Variants in NFKB1 observed in about 807,000 individuals in gnomAD.
The protein encoded by NFKB1 is nuclear factor kappa B subunit 1, also known as nuclear factor NF-kappa-B p105 subunit.
Under a neutral mutation model 105.1 loss-of-function variants are expected in NFKB1, and 9 were observed. The observed-to-expected ratio is 0.09, with a 90% CI of 0.05 to 0.15. NFKB1 has a LOEUF of 0.15. Ranked by LOEUF, NFKB1 falls within the 10% of genes least tolerant of loss-of-function variation. The pLI, the probability that NFKB1 is intolerant of heterozygous loss-of-function variation, is 1.00. For missense variants in NFKB1, 830 were observed against 1,203.7 expected (o/e 0.69, Z 4.59); for synonymous variants, 440 against 442.2 (o/e 1.00, Z 0.06).
chr4:102,562,457 G>C (rs1723520881), intron 5 of NFKB1, among the ~76,000 whole-genome samples: 1 of 152,122 alleles, frequency 6.6e-6, no homozygotes, highest in South Asian at 2.1e-4. Flanking sequence ...CTAGTTTACT[G>C]CAGTGTGTGG....
chr4:102,607,079 T>C, intron 17 of NFKB1, 71 bp from the exon 18 acceptor site: 1 of 1,517,054 alleles, frequency 6.6e-7, no homozygotes, highest in African/African-American at 1.4e-5. Flanking sequence ...TGCCATTTCC[T>C]TCAGCTTCAC....
At position 102,502,001 on chromosome 4, in the gene NFKB1, T is replaced by C. The variant is rs1007693754; in HGVS notation, c.-8+213T>C. 15 of 152,020 alleles carry C rather than the reference T, an allele frequency of 9.9e-5. No homozygotes were observed. In the East Asian group the frequency reaches 2.9e-3, roughly 30 times the overall value. 9.4% of individuals were successfully genotyped at this position (152,020 alleles called of 1,614,324 possible). ...CACATCCGGACCTCGCAGGGGCTAGTCGGCCGAAGGGCCGCGGCCGCCCGG... is the reference window on the plus strand; with the variant it reads ...CACATCCGGACCTCGCAGGGGCTAGCCGGCCGAAGGGCCGCGGCCGCCCGG... On this transcript the variant is annotated intron_variant, in intron 1 of 23. Transcript: ENST00000226574.
Position 102,607,295 on chromosome 4 carries a change from A to T in NFKB1, c.2100A>T (p.Ser700=). Residue 700 remains serine (S), a synonymous_variant, in exon 18 of 24, where the codon TCA becomes TCT. Transcript: ENST00000226574. ...LHLAVEHDNI[S]LAGCLLLEGD... ...TGGCTGTGGAGCACGACAACATCTC[A>T]TTGGCAGGCTGCCTGCTCCTGGAGG... The T allele has an allele frequency of 1.9e-6, 3 of 1,611,244 alleles. No homozygotes were observed. The highest frequency in any genetic ancestry group is 2.5e-6 in the Non-Finnish European group (3 of 1,177,466).
At position 102,616,619 on chromosome 4, in the gene NFKB1, G is replaced by A. The variant is rs754747868; in HGVS notation, c.*25G>A. The A allele has an allele frequency of 2.3e-5, 37 of 1,608,958 alleles. No individual in the cohort carries two copies. The highest frequency in any genetic ancestry group is 5.5e-5 in the South Asian group (5 of 90,692). Reference sequence around the variant, plus strand: ...GCCTGCTGACAATTTCCCACACCGTGTAAACCAAAGCCCTAAAATTCCACT... The same window carrying A: ...GCCTGCTGACAATTTCCCACACCGTATAAACCAAAGCCCTAAAATTCCACT... On this transcript the variant is annotated 3_prime_UTR_variant, in exon 24 of 24. Transcript: ENST00000226574.
intron 1 of NFKB1, among the ~76,000 whole-genome samples, chr4:102,518,055 C>A (rs952908349): frequency 2.0e-5 from 3 of 152,000 alleles, no homozygotes; most frequent in Non-Finnish European, 2.9e-5. Context: ...AAAGGTCTCT[C>A]CTAGGATGTT....
intron 16 of NFKB1, among the ~76,000 whole-genome samples, chr4:102,603,585 T>TA (rs1394930646): frequency 2.0e-5 from 3 of 152,200 alleles, no homozygotes; most frequent in Admixed American, 1.3e-4. Context: ...CTGGCTTCCC[T>TA]AGTATGCCTT....
At chr4:102,555,340 T>C (rs1245583595) in intron 5 of NFKB1, among the ~76,000 whole-genome samples, 1 of 152,152 alleles carries the variant, frequency 6.6e-6, no homozygotes, top group Non-Finnish European at 1.5e-5. Context: ...TTAACAAATA[T>C]TGATTAAGTA....
chr4:102,587,710 C>T (rs1026037235), intron 11 of NFKB1, among the ~76,000 whole-genome samples: 2 of 152,042 alleles, frequency 1.3e-5, no homozygotes, highest in East Asian at 3.8e-4. Flanking sequence ...TGGAGAAATA[C>T]TTACCCATTG....
chr4:102,507,659 T>C lies in NFKB1; in HGVS notation c.-8+5871T>C, dbSNP rs575724833. Among the ~76,000 whole-genome samples the C allele has an allele frequency of 9.8e-5, 15 of 152,326 alleles. No homozygotes were observed. In the South Asian group the frequency reaches 3.1e-3, roughly 32 times the overall value. ...AATATTTCTAGGATTTACTTTTCAC[T>C]AACTTGAACTAAAGAAAGTATAAGA... On this transcript the variant is annotated intron_variant, in intron 1 of 23. Transcript: ENST00000226574.
At chr4:102,612,646 CTT>C in intron 22 of NFKB1, 40 bp downstream of exon 22, 1 of 1,571,830 alleles carries the variant, frequency 6.4e-7, no homozygotes, top group African/African-American at 1.3e-5. Flanking sequence ...TTTCATTTGA[CTT>C]TACTCTGTTA....
intron 15 of NFKB1, among the ~76,000 whole-genome samples, 188 bp from the exon 16 acceptor site, chr4:102,600,707 G>T (rs537363965): frequency 2.5e-4 from 38 of 152,318 alleles, no homozygotes; most frequent in African/African-American, 8.9e-4. Flanking sequence ...AGGCAGTTGG[G>T]AGGGACCAGT....
intron 19 of NFKB1, among the ~76,000 whole-genome samples, chr4:102,609,252 G>A (rs1320481561): frequency 6.6e-6 from 1 of 151,386 alleles, no homozygotes; most frequent in African/African-American, 2.4e-5. Flanking sequence ...GCAAGTAACA[G>A]TTTCTCTGAT....
chr4:102,613,618 C>A (rs752796073), intron 23 of NFKB1, 37 bp downstream of exon 23: 186 of 1,594,050 alleles, frequency 1.2e-4, no homozygotes, highest in Non-Finnish European at 1.4e-4. Context: ...AGATATTTTC[C>A]AGCTCCCCCA....
chr4:102,575,037 A>G (rs1264302462), intron 6 of NFKB1, among the ~76,000 whole-genome samples: 2 of 152,248 alleles, frequency 1.3e-5, no homozygotes, highest in Non-Finnish European at 2.9e-5. Flanking sequence ...TGAAAGGGCC[A>G]AAAGATATAG....
At chr4:102,606,847 C>A in intron 17 of NFKB1, 150 bp downstream of exon 17, 1 of 862,042 alleles carries the variant, frequency 1.2e-6, no homozygotes, top group Non-Finnish European at 1.8e-6. Flanking sequence ...ATTTCTGTTG[C>A]TCACCAAAGC....
intron 9 of NFKB1, 52 bp downstream of exon 9, chr4:102,580,691 A>G (rs1258834016): frequency 3.6e-6 from 5 of 1,387,144 alleles, no homozygotes; most frequent in South Asian, 2.4e-5. Flanking sequence ...TTGACACACT[A>G]CAGTTCTGAG....
At chr4:102,616,197 T>C (rs1190534849) in intron 23 of NFKB1, among the ~76,000 whole-genome samples, 7 of 152,212 alleles carry the variant, frequency 4.6e-5, no homozygotes, top group Non-Finnish European at 8.8e-5. Context: ...CAAGACTAGA[T>C]TGCAGGAAGA....
At chr4:102,502,321 A>G (rs919308436) in intron 1 of NFKB1, among the ~76,000 whole-genome samples, 23 of 151,110 alleles carry the variant, frequency 1.5e-4, no homozygotes, top group African/African-American at 5.6e-4. Flanking sequence ...CCTACTTCTA[A>G]AAGAAACCTG....
At position 102,580,461 on chromosome 4, in the gene NFKB1, G is replaced by T; in HGVS notation, c.731-74G>T. 4 of 1,178,628 alleles carry T rather than the reference G, an allele frequency of 3.4e-6. No homozygotes were observed. The South Asian group carries it at 5.0e-5, about 15-fold the overall frequency. 73.0% of individuals were successfully genotyped at this position (1,178,628 alleles called of 1,614,324 possible). A position where few individuals can be genotyped will look rare whatever the true frequency, so the allele number is the denominator to read the frequency against. On this transcript the variant is annotated intron_variant, in intron 8 of 23. Transcript: ENST00000226574. ...GTTTTGGTCATGTGTGCTAAGGGGA[G>T]GGTCCTACCTAAAGGACTGGCTTGT...
Sources: gnomAD v4.1 joint callset for allele counts (sites outside exome capture counted in the v4.1 genomes callset) on GRCh38, gnomAD v4.1.1 for gene constraint, MANE v1.5 for transcripts, NCBI Gene and HGNC (gene_info 2026-07-23, HGNC 2026-07-21) for gene names.